Variants in ZMYM2 observed in about 807,000 individuals in gnomAD.
ZMYM2 encodes the protein zinc finger MYM-type containing 2, also known as zinc finger MYM-type protein 2.
ZMYM2 carries 56 observed loss-of-function variants against 162.8 expected under a neutral mutation model. That is an observed-to-expected ratio of 0.34 (90% CI 0.28 to 0.43). ZMYM2 has a LOEUF of 0.43. Among genes scored for constraint, ZMYM2 ranks in the 20% least tolerant of loss-of-function variants. ZMYM2 has a pLI of 1.00. For missense variants in ZMYM2, 1,275 were observed against 1,621.8 expected (o/e 0.79, Z 3.67); for synonymous variants, 510 against 541.6 (o/e 0.94, Z 0.81).
chr13:20,039,679 T>C (rs916907414), intron 12 of ZMYM2, among the ~76,000 whole-genome samples: 2 of 152,168 alleles, frequency 1.3e-5, no homozygotes, highest in African/African-American at 4.8e-5. Flanking sequence ...GATTTCACCA[T>C]GTTAGCCAGG....
the ZMYM2 span, among the ~76,000 whole-genome samples, chr13:19,907,705 T>C: frequency 8.3e-6 from 1 of 121,074 alleles, no homozygotes; most frequent in Non-Finnish European, 1.6e-5. Flanking sequence ...GAGGTTGCAG[T>C]GAGCCGAGAT....
intron 24 of ZMYM2, 94 bp from the exon 25 acceptor site, chr13:20,085,728 G>T: frequency 8.9e-7 from 1 of 1,123,352 alleles, no homozygotes; most frequent in Non-Finnish European, 1.2e-6. Context: ...GTCATATAAC[G>T]TGATTAATGG....
At chr13:19,941,884 C>T in the ZMYM2 span, among the ~76,000 whole-genome samples, 4 of 151,658 alleles carry the variant, frequency 2.6e-5, no homozygotes, top group African/African-American at 9.7e-5. Flanking sequence ...GTGGTTGGGA[C>T]GCCAGGTGTG....
the ZMYM2 span, among the ~76,000 whole-genome samples, chr13:19,918,333 T>C: frequency 1.3e-5 from 2 of 151,410 alleles, no homozygotes; most frequent in African/African-American, 2.4e-5. Flanking sequence ...TAGTCCCAGA[T>C]ACTTGGGAAG....
At position 19,959,920 on chromosome 13, in the gene ZMYM2, T is replaced by A. The variant is rs1594008991; in HGVS notation, c.-79-38T>A. 3 of 152,406 alleles carry A rather than the reference T, an allele frequency of 2.0e-5. No homozygotes were observed. The Middle Eastern group carries it at 0.01, about 518-fold the overall frequency. 9.4% of individuals were successfully genotyped at this position (152,406 alleles called of 1,614,324 possible). A position where few individuals can be genotyped will look rare whatever the true frequency, so the allele number is the denominator to read the frequency against. ...GGTTGGGTTCTCCCACCAGGTTGTG[T>A]GTTTTTGATACATTTTTCTTTTTTC... On this transcript the variant is annotated intron_variant, in intron 1 of 24. Transcript: ENST00000610343.
At chr13:19,915,412 G>GC in the ZMYM2 span, among the ~76,000 whole-genome samples, 1 of 149,256 alleles carries the variant, frequency 6.7e-6, no homozygotes, top group African/African-American at 2.5e-5. Context: ...TTGCTTGCTT[G>GC]CTTTTTCTTT....
At chr13:19,912,292 G>GTTTTTTTTTTTTTTTTTTTTTTT in the ZMYM2 span, among the ~76,000 whole-genome samples, 1 of 75,712 alleles carries the variant, frequency 1.3e-5, no homozygotes, top group African/African-American at 5.2e-5. Context: ...TGTTTTTTGG[G>GTTTTTTTTTTTTTTTTTTTTTTT]TTTTTTTTTT....
the ZMYM2 span, among the ~76,000 whole-genome samples, chr13:19,884,248 G>A: frequency 1.1e-4 from 16 of 152,208 alleles, no homozygotes; most frequent in East Asian, 3.1e-3. Flanking sequence ...GTTGTGTCCA[G>A]TATTTATCCC....
chr13:19,918,180 C>T, the ZMYM2 span, among the ~76,000 whole-genome samples: 1 of 152,222 alleles, frequency 6.6e-6, no homozygotes, highest in African/African-American at 2.4e-5. Flanking sequence ...TGTAGTGGCT[C>T]ACGCCTGTAA....
At chr13:20,002,092 T>C (rs926778039) in intron 3 of ZMYM2, among the ~76,000 whole-genome samples, 1 of 152,232 alleles carries the variant, frequency 6.6e-6, no homozygotes, top group Non-Finnish European at 1.5e-5. Flanking sequence ...TTCTATGAGA[T>C]TATGTGTTAC....
At chr13:20,027,634 T>G (rs1237405583) in intron 9 of ZMYM2, among the ~76,000 whole-genome samples, 1 of 152,158 alleles carries the variant, frequency 6.6e-6, no homozygotes, top group Non-Finnish European at 1.5e-5. Flanking sequence ...GGGGAACTGT[T>G]ATGTGACAAA....
At chr13:19,975,327 T>C (rs1370914225) in intron 2 of ZMYM2, among the ~76,000 whole-genome samples, 1 of 152,168 alleles carries the variant, frequency 6.6e-6, no homozygotes, top group Non-Finnish European at 1.5e-5. Flanking sequence ...ATAGAAACCA[T>C]ACTCATTAGC....
chr13:19,918,247 C>G, the ZMYM2 span, among the ~76,000 whole-genome samples: 26 of 151,950 alleles, frequency 1.7e-4, no homozygotes, highest in Admixed American at 1.6e-3. Flanking sequence ...GAGTTCGAGA[C>G]CAGCCGGGCC....
chr13:20,041,118 G>A (rs1954207417), intron 12 of ZMYM2, among the ~76,000 whole-genome samples: 1 of 152,040 alleles, frequency 6.6e-6, no homozygotes. Context: ...GCTGAGTTCA[G>A]GTCCTGAATA....
chr13:20,030,878 T>G (rs1953067910), intron 9 of ZMYM2, among the ~76,000 whole-genome samples: 1 of 152,116 alleles, frequency 6.6e-6, no homozygotes, highest in African/African-American at 2.4e-5. Flanking sequence ...AAAATTATAG[T>G]AGGGATGCAG....
chr13:20,052,189 A>C, intron 13 of ZMYM2, 88 bp from the exon 14 acceptor site: 3 of 1,127,648 alleles, frequency 2.7e-6, no homozygotes, highest in Non-Finnish European at 3.7e-6. Flanking sequence ...TCACATTTTA[A>C]ATTGGTGAAA....
At chr13:19,963,925 T>C (rs1955508948) in intron 2 of ZMYM2, among the ~76,000 whole-genome samples, 1 of 152,208 alleles carries the variant, frequency 6.6e-6, no homozygotes, top group African/African-American at 2.4e-5. Context: ...GTTTTATTTT[T>C]AACTTTATAA....
At chr13:20,030,539 C>T (rs145237705) in intron 9 of ZMYM2, among the ~76,000 whole-genome samples, 122 of 152,232 alleles carry the variant, frequency 8.0e-4, no homozygotes, top group African/African-American at 2.7e-3. Flanking sequence ...GCTGGTACTA[C>T]AGGCACCTGC....
chr13:19,972,897 TTATATATATACATATATAGA>T (rs1285240224), intron 2 of ZMYM2, among the ~76,000 whole-genome samples: 1 of 150,886 alleles, frequency 6.6e-6, no homozygotes, highest in Non-Finnish European at 1.5e-5. Context: ...CTGTTACAAA[TTATATATATACATATATAGA>T]TATATATATG....
Sources: allele counts gnomAD v4.1 joint callset (sites outside exome capture counted in the v4.1 genomes callset), GRCh38; gene constraint gnomAD v4.1.1; transcripts MANE v1.5; gene names NCBI Gene and HGNC (gene_info 2026-07-23, HGNC 2026-07-21).